The following EVL variants were observed in gnomAD, a reference collection of about 807,000 sequenced individuals.
The protein encoded by EVL is ena/VASP-like protein.
In EVL, 21 loss-of-function variants were observed where a neutral mutation model predicts 59.6. That is an observed-to-expected ratio of 0.35 (90% CI 0.25 to 0.51). EVL has a LOEUF of 0.51. Among genes scored for constraint, EVL ranks in the 20% least tolerant of loss-of-function variants. EVL has a pLI of 0.97. For missense variants in EVL, 462 were observed against 546.6 expected (o/e 0.85, Z 1.54); for synonymous variants, 198 against 203.5 (o/e 0.97, Z 0.23).
At chr14:100,051,120 T>A (rs2061641176) in intron 1 of EVL, among the ~76,000 whole-genome samples, 1 of 152,210 alleles carries the variant, frequency 6.6e-6, no homozygotes, top group Non-Finnish European at 1.5e-5. Context: ...TTCAGTTACC[T>A]GAGGTCAACT....
intron 1 of EVL, among the ~76,000 whole-genome samples, chr14:100,057,382 T>C (rs1368969486): frequency 6.6e-6 from 1 of 152,242 alleles, no homozygotes; most frequent in African/African-American, 2.4e-5. Context: ...ACTGCTCAGC[T>C]GACATCGGGG....
At chr14:99,995,828 C>G (rs1341138512) in intron 1 of EVL, among the ~76,000 whole-genome samples, 6 of 152,068 alleles carry the variant, frequency 3.9e-5, no homozygotes, top group African/African-American at 1.4e-4. Context: ...ATGTAATACC[C>G]TAGTTGAGGT....
At chr14:99,991,960 C>CTGTGTGTGTGTGTGAGTGTGTG (rs2060878130) in intron 1 of EVL, among the ~76,000 whole-genome samples, 1 of 144,234 alleles carries the variant, frequency 6.9e-6, no homozygotes, top group Non-Finnish European at 1.5e-5. Context: ...AGGGTCAACT[C>CTGTGTGTGTGTGTGAGTGTGTG]TGTGTGTGTG....
chr14:100,143,583 C>T, intron 13 of EVL, 118 bp from the exon 14 acceptor site: 1 of 1,279,382 alleles, frequency 7.8e-7, no homozygotes, highest in South Asian at 1.3e-5. Context: ...GTGGGGCTCC[C>T]AGGAGATGGA....
intron 1 of EVL, among the ~76,000 whole-genome samples, chr14:100,075,871 C>T: frequency 6.6e-6 from 1 of 152,212 alleles, no homozygotes; most frequent in East Asian, 1.9e-4. Context: ...CTCCGGTTTA[C>T]AGACAATAAC....
intron 1 of EVL, among the ~76,000 whole-genome samples, chr14:100,021,121 C>G (rs911213456): frequency 2.0e-5 from 3 of 152,170 alleles, no homozygotes; most frequent in African/African-American, 7.2e-5. Context: ...TTGCGTAGTT[C>G]ACGTTTTATT....
At chr14:100,027,538 G>A (rs892381469) in intron 1 of EVL, among the ~76,000 whole-genome samples, 2 of 151,954 alleles carry the variant, frequency 1.3e-5, no homozygotes, top group Admixed American at 1.3e-4. Context: ...TTCACTTAAC[G>A]TAATGTCCTC....
At chr14:100,112,719 C>T (rs1566706357) in intron 3 of EVL, among the ~76,000 whole-genome samples, 1 of 152,208 alleles carries the variant, frequency 6.6e-6, no homozygotes, top group Non-Finnish European at 1.5e-5. Flanking sequence ...GCTTATACCA[C>T]GTAATCGCAG....
intron 1 of EVL, among the ~76,000 whole-genome samples, chr14:99,979,571 A>T (rs918666859): frequency 1.3e-5 from 2 of 151,802 alleles, no homozygotes; most frequent in Non-Finnish European, 2.9e-5. Context: ...TATTTTTTTT[A>T]AAAAAAGGAT....
chr14:100,075,725 G>A (rs954524747), intron 1 of EVL, among the ~76,000 whole-genome samples: 8 of 152,178 alleles, frequency 5.3e-5, no homozygotes, highest in African/African-American at 1.9e-4. Flanking sequence ...TCAGAGGCAC[G>A]TGGCACCTTG....
intron 1 of EVL, chr14:100,019,755 A>G (rs2061087895): frequency 1.4e-6 from 2 of 1,428,452 alleles, no homozygotes; most frequent in Non-Finnish European, 1.9e-6. Context: ...TTGCTGTGTA[A>G]TGACAGCTTA....
Position 100,125,253 on chromosome 14 carries a change from T to TACACACAC in EVL, c.423-1421_423-1414dup, listed in dbSNP as rs34556561. ...ACACACACCTGCCCCAAGGCAGGAATACACACACACACACACACACACACA... is the reference window on the plus strand; with the variant it reads ...ACACACACCTGCCCCAAGGCAGGAATACACACACACACACACACACACACACACACACA... On this transcript the variant is annotated intron_variant, in intron 4 of 13. Transcript: ENST00000392920. 6.4e-4 allele frequency among the ~76,000 whole-genome samples: 76 copies of TACACACAC among 119,606 alleles called. 3 individuals are homozygous for TACACACAC. Among genetic ancestry groups the TACACACAC allele is most frequent in the African/African-American group, 2.0e-3 (57 of 28,898 alleles). The allele number at this position is 119,606 out of a possible 152,430, so 78.5% of individuals were successfully genotyped here. A position where few individuals can be genotyped will look rare whatever the true frequency, so the allele number is the denominator to read the frequency against.
chr14:99,981,293 G>A (rs982307073), intron 1 of EVL, among the ~76,000 whole-genome samples: 7 of 152,018 alleles, frequency 4.6e-5, no homozygotes, highest in Admixed American at 1.3e-4. Flanking sequence ...TTAGCCAGGC[G>A]TGGTGGCGGG....
chr14:99,979,716 A>G (rs1270456577), intron 1 of EVL, among the ~76,000 whole-genome samples: 1 of 152,130 alleles, frequency 6.6e-6, no homozygotes, highest in African/African-American at 2.4e-5. Context: ...AAAAGTACAA[A>G]AAATTAGCCG....
rs1337146194 is a variant in EVL at position 100,034,240 on chromosome 14, AAAAAAAAAAAG to A, written c.6-50441_6-50431del. Among the ~76,000 whole-genome samples the A allele has an allele frequency of 1.9e-4, 29 of 151,756 alleles. 1 individual carries two copies. Among genetic ancestry groups the A allele is most frequent in the Admixed American group, 1.7e-3 (26 of 15,232 alleles). ...ACAGAGCTAGAATCTGTCTCAAAAA[AAAAAAAAAAAG>A]AAAAAGAAAAGAAAAATTATAATCA... is the stretch of plus-strand genomic sequence containing the variant. On this transcript the variant is annotated intron_variant, in intron 1 of 13. Coordinates refer to the EVL transcript ENST00000402714.
At chr14:100,072,935 A>G (rs1254486432) in intron 1 of EVL, among the ~76,000 whole-genome samples, 1 of 152,224 alleles carries the variant, frequency 6.6e-6, no homozygotes, top group Non-Finnish European at 1.5e-5. Flanking sequence ...TCTGCCGCGG[A>G]TCAGCCATGG....
At chr14:100,050,440 C>T (rs1200076982) in intron 1 of EVL, among the ~76,000 whole-genome samples, 1 of 151,644 alleles carries the variant, frequency 6.6e-6, no homozygotes, top group Admixed American at 6.6e-5. Context: ...AACTCCACCT[C>T]CTGGGTTCAC....
intron 11 of EVL, chr14:100,140,873 C>T (rs1595262308): frequency 2.8e-5 from 8 of 287,668 alleles, no homozygotes; most frequent in Admixed American, 1.5e-4. Context: ...CGGGTGGGTG[C>T]GATGTTGTCA....
chr14:100,111,359 G>T (rs1344147509), intron 3 of EVL, among the ~76,000 whole-genome samples: 1 of 151,956 alleles, frequency 6.6e-6, no homozygotes, highest in African/African-American at 2.4e-5. Flanking sequence ...GTTTCACCAT[G>T]TTGGCCAGGC....
Sources: gnomAD v4.1 joint callset for allele counts (sites outside exome capture counted in the v4.1 genomes callset) on GRCh38, gnomAD v4.1.1 for gene constraint, MANE v1.5 for transcripts, NCBI Gene and HGNC (gene_info 2026-07-23, HGNC 2026-07-21) for gene names.